Variants in TRIOBP observed in about 807,000 individuals in gnomAD.
TRIOBP encodes TRIO and F-actin binding protein.
Under a neutral mutation model 238.8 loss-of-function variants are expected in TRIOBP, and 169 were observed. That is an observed-to-expected ratio of 0.71 (90% CI 0.62 to 0.80). The LOEUF is 0.80. Ranked by LOEUF, TRIOBP falls within the 30% of genes least tolerant of loss-of-function variation. The pLI, the probability that TRIOBP is intolerant of heterozygous loss-of-function variation, is 0.00. For missense variants in TRIOBP, 2,838 were observed against 3,122.6 expected, an observed-to-expected ratio of 0.91 and a Z score of 2.17; for synonymous variants, 1,150 against 1,274.4, an observed-to-expected ratio of 0.90 and a Z score of 2.08.
intron 11 of TRIOBP, 130 bp from the exon 12 acceptor site, chr22:37,751,642 C>T: frequency 7.7e-6 from 8 of 1,036,936 alleles, no homozygotes; most frequent in Middle Eastern, 2.4e-4. Context: ...GGCCTTAGCC[C>T]TCTTGGCTGG....
rs202098774 is a variant in TRIOBP, at chr22:37,713,339, G to C, written c.384G>C (p.Glu128Asp). 21 of 1,613,964 alleles carry C rather than the reference G, an allele frequency of 1.3e-5. No homozygotes were observed. In the African/African-American group the frequency reaches 2.7e-4, roughly 20 times the overall value. ...LTTSLCGSCN[E>D]DPGSDPTSSP... is the part of the protein sequence containing the mutation. ...CTTCCTTGTGTGGCAGCTGCAACGA[G>C]GACCCCGGCTCTGACCCCACCTCCA... Residue 128 changes from glutamate (E) to aspartate (D), a missense_variant, in exon 5 of 24, where the codon GAG becomes GAC. This residue lies in a region of TRIOBP where 535 missense variants were observed against 537.3 expected (regional missense o/e 1.00). Transcript: ENST00000644935.
At chr22:37,751,086 G>A in intron 11 of TRIOBP, 2 of 425,648 alleles carry the variant, frequency 4.7e-6, no homozygotes, top group South Asian at 3.6e-5. Context: ...ATCAGGATGA[G>A]CAACTTCTTT....
rs1926632630 is a variant in TRIOBP, at chr22:37,769,022, G to A, written c.6576-6G>A. 2.5e-6 allele frequency: 4 copies of A among 1,613,264 alleles called. No homozygotes were observed. Among genetic ancestry groups the A allele is most frequent in the Non-Finnish European group, 3.4e-6 (4 of 1,180,016 alleles). Reference sequence around the variant, plus strand: ...TATGCTCTCCTCTGCTCCTCCTCTGGGGCAGGTCAGATGTGGAGGCACTGA... The same window carrying A: ...TATGCTCTCCTCTGCTCCTCCTCTGAGGCAGGTCAGATGTGGAGGCACTGA... On this transcript the variant is annotated splice_region_variant and splice_polypyrimidine_tract_variant and intron_variant, in intron 19 of 23. Coordinates refer to ENST00000644935, the MANE Select transcript of TRIOBP (RefSeq NM_001039141.3).
rs1555900762 is a variant in TRIOBP at position 37,758,682 on chromosome 22, T to TG, written c.6214-472_6214-471insG. Among the ~76,000 whole-genome samples, 789 of 125,038 alleles carry TG rather than the reference T, an allele frequency of 6.3e-3. 3 individuals are homozygous for TG. The highest frequency in any genetic ancestry group is 8.2e-3 in the Admixed American group (106 of 12,978). 82.0% of individuals were successfully genotyped at this position (125,038 alleles called of 152,430 possible). ...AATAGAGCCCGACTTTGTCTCAGATTAAAAAAAAAAAAGAAGAAGAAGAAG... is the reference window on the plus strand; with the variant it reads ...AATAGAGCCCGACTTTGTCTCAGATTGAAAAAAAAAAAAGAAGAAGAAGAAG... On this transcript the variant is annotated intron_variant, in intron 16 of 23. Coordinates refer to ENST00000644935, the MANE Select transcript of TRIOBP (RefSeq NM_001039141.3).
At chr22:37,764,666 C>A (rs535800533) in intron 17 of TRIOBP, among the ~76,000 whole-genome samples, 123 of 152,312 alleles carry the variant, frequency 8.1e-4, no homozygotes, top group African/African-American at 2.9e-3. Flanking sequence ...GCCACCGGAC[C>A]ACCCCCAACA....
At chr22:37,698,815 C>T (rs1922492546) in intron 2 of TRIOBP, among the ~76,000 whole-genome samples, 1 of 152,074 alleles carries the variant, frequency 6.6e-6, no homozygotes, top group Non-Finnish European at 1.5e-5. Flanking sequence ...GCACTCCAGC[C>T]TGGGTGACAG....
chr22:37,772,755 C>A lies in TRIOBP; in HGVS notation c.7091C>A (p.Ala2364Asp). The change falls in exon 23 of 24, where the codon GCT (alanine) becomes GAT (aspartate). Residue 2364 changes from alanine (A) to aspartate (D), a missense_variant. Ala to Asp is a moderately radical substitution (Grantham distance 126, BLOSUM62 -2). This residue lies in a region of TRIOBP where 2,096 missense variants were observed against 2,137.4 expected (regional missense o/e 0.98). Transcript: ENST00000644935. ...QEKESMRNSL[A>D]E ...AAGGAGTCGATGCGCAACAGCCTGG[C>A]TGAGTAGAGGTGGATGCCGAGGCGT... The A allele has an allele frequency of 1.9e-6, 3 of 1,613,328 alleles. No homozygotes were observed. Among genetic ancestry groups the A allele is most frequent in the Non-Finnish European group, 2.5e-6 (3 of 1,180,014 alleles).
At chr22:37,770,250 A>G (rs1205154088) in intron 21 of TRIOBP, among the ~76,000 whole-genome samples, 1 of 148,856 alleles carries the variant, frequency 6.7e-6, no homozygotes, top group Non-Finnish European at 1.5e-5. Flanking sequence ...ATCCTGGCTA[A>G]CACAGTGAAA....
Position 37,730,277 on chromosome 22 carries a change from C to T in TRIOBP, c.3948-3021C>T, listed in dbSNP as rs147163680. Among the ~76,000 whole-genome samples the T allele has an allele frequency of 7.0e-4, 106 of 152,306 alleles. 1 individual carries two copies. Among genetic ancestry groups the T allele is most frequent in the Non-Finnish European group, 8.2e-4 (56 of 68,020 alleles). On this transcript the variant is annotated intron_variant, in intron 7 of 23. Coordinates refer to ENST00000644935, the MANE Select transcript of TRIOBP (RefSeq NM_001039141.3). ...TCGGGAACAGGTGGCCCCGAGGAGA[C>T]GCTGTTGCTTCAGCATCGGACAAGC... is the stretch of plus-strand genomic sequence containing the variant.
chr22:37,759,808 A>G, intron 17 of TRIOBP: 1 of 1,323,688 alleles, frequency 7.6e-7, no homozygotes, highest in East Asian at 3.3e-5. Context: ...GTGTCTGGGA[A>G]TACTTCTGGT....
At chr22:37,715,362 A>C (rs1923459076) in intron 5 of TRIOBP, among the ~76,000 whole-genome samples, 1 of 147,800 alleles carries the variant, frequency 6.8e-6, no homozygotes, top group Admixed American at 6.8e-5. Context: ...TTGTTTTTTG[A>C]GACAGAGTCT....
rs752834637 is a variant in TRIOBP, at chr22:37,723,193, G to A, written c.637G>A (p.Gly213Ser). ...AAGQKKEDTG[G>S]GGRSAGQHWA... ...CTCTCTTCTCTCTCCAGACACCGGC[G>A]GTGGGGGCCGGAGCGCAGGACAGCA... is the stretch of plus-strand genomic sequence containing the variant. Residue 213 changes from glycine to serine, a missense_variant, in exon 7 of 24, where the codon GGT becomes AGT. Gly to Ser is a moderately conservative substitution (Grantham distance 56). This residue lies in a region of TRIOBP where 535 missense variants were observed against 537.3 expected (regional missense o/e 1.00). Transcript: ENST00000644935. 17 of 1,613,678 alleles carry A rather than the reference G, an allele frequency of 1.1e-5. No individual in the cohort carries two copies. Among genetic ancestry groups the A allele is most frequent in the Admixed American group, 6.7e-5 (4 of 59,980 alleles).
intron 11 of TRIOBP, chr22:37,746,432 A>G: frequency 1.4e-6 from 2 of 1,422,342 alleles, no homozygotes; most frequent in Non-Finnish European, 1.9e-6. Context: ...TGAGTGCCCC[A>G]GTCAGCCGCC....
At chr22:37,700,614 G>A (rs1922595196) in intron 2 of TRIOBP, among the ~76,000 whole-genome samples, 2 of 151,932 alleles carry the variant, frequency 1.3e-5, no homozygotes, top group South Asian at 2.1e-4. Context: ...ACGGAGTTTC[G>A]CCAGTTGCCC....
intron 8 of TRIOBP, 81 bp from the exon 9 acceptor site, chr22:37,734,318 C>A: frequency 7.5e-7 from 1 of 1,326,106 alleles, no homozygotes; most frequent in Non-Finnish European, 1.1e-6. Context: ...AGCCTTGACT[C>A]TCTGGGGGCC....
Position 37,765,828 on chromosome 22 carries a change from TG to T in TRIOBP, c.6472+19del, listed in dbSNP as rs3833924. On this transcript the variant is annotated intron_variant, in intron 18 of 23. Transcript: ENST00000644935. Reference sequence around the variant, plus strand: ...CAGCCACGGCCTCAGGTATGGACCCTGGGGGGGGCACAGTGGGCTGGGCTCT... The same window carrying T: ...CAGCCACGGCCTCAGGTATGGACCCTGGGGGGGCACAGTGGGCTGGGCTCT... 4.0e-5 allele frequency: 62 copies of T among 1,552,786 alleles called. No individual in the cohort carries two copies. Among genetic ancestry groups the T allele is most frequent in the Non-Finnish European group, 4.2e-5 (48 of 1,148,528 alleles).
chr22:37,768,482 G>A (rs939610131), intron 19 of TRIOBP, among the ~76,000 whole-genome samples: 1 of 152,270 alleles, frequency 6.6e-6, no homozygotes, highest in African/African-American at 2.4e-5. Context: ...CTGCCCCAGA[G>A]CACAGTTTTG....
chr22:37,756,037 G>A (rs1925904391), intron 15 of TRIOBP, among the ~76,000 whole-genome samples: 1 of 152,222 alleles, frequency 6.6e-6, no homozygotes, highest in South Asian at 2.1e-4. Flanking sequence ...CACTCCTTCT[G>A]GAGGCTGCCA....
chr22:37,748,483 C>T (rs1209727223), intron 11 of TRIOBP, among the ~76,000 whole-genome samples: 1 of 152,196 alleles, frequency 6.6e-6, no homozygotes, highest in Non-Finnish European at 1.5e-5. Flanking sequence ...ATATTTGGTC[C>T]CTTGTTTACT....
Sources: allele counts gnomAD v4.1 joint callset (sites outside exome capture counted in the v4.1 genomes callset), GRCh38; gene constraint gnomAD v4.1.1; regional missense constraint gnomAD v4.1.1; transcripts MANE v1.5; gene names NCBI Gene and HGNC (gene_info 2026-07-23, HGNC 2026-07-21).